Variants in GAB1 observed in about 807,000 individuals in gnomAD.
The protein encoded by GAB1 is GRB2-associated-binding protein 1.
GAB1 carries 19 observed loss-of-function variants against 66.5 expected under a neutral mutation model. That is an observed-to-expected ratio of 0.29 (90% CI 0.20 to 0.42). GAB1 has a LOEUF of 0.42. Ranked by LOEUF, GAB1 falls within the 10% of genes least tolerant of loss-of-function variation. The pLI is 1.00. For missense variants in GAB1, 732 were observed against 858.5 expected (o/e 0.85, Z 1.84); for synonymous variants, 294 against 301.4 (o/e 0.98, Z 0.25).
chr4:143,453,264 G>A (rs1380169827), intron 6 of GAB1, among the ~76,000 whole-genome samples: 2 of 151,832 alleles, frequency 1.3e-5, no homozygotes, highest in Non-Finnish European at 2.9e-5. Context: ...GAAAATACAC[G>A]TAAATTTTAT....
chr4:143,461,594 AC>A (rs746217686), intron 8 of GAB1, among the ~76,000 whole-genome samples: 1 of 152,226 alleles, frequency 6.6e-6, no homozygotes, highest in Admixed American at 6.5e-5. Context: ...CTGTGTGGCC[AC>A]ACTTAGACAC....
At chr4:143,361,712 T>G (rs1729668604) in intron 1 of GAB1, among the ~76,000 whole-genome samples, 1 of 152,112 alleles carries the variant, frequency 6.6e-6, no homozygotes, top group Non-Finnish European at 1.5e-5. Context: ...CCACCACCGC[T>G]GCCTTTGGGA....
chr4:143,394,365 G>A (rs1731335414), intron 1 of GAB1, among the ~76,000 whole-genome samples: 1 of 152,182 alleles, frequency 6.6e-6, no homozygotes, highest in South Asian at 2.1e-4. Context: ...GAAGTCCAGT[G>A]TTGACATCCC....
intron 2 of GAB1, among the ~76,000 whole-genome samples, chr4:143,417,031 A>G (rs1732729613): frequency 6.6e-6 from 1 of 152,232 alleles, no homozygotes; most frequent in South Asian, 2.1e-4. Flanking sequence ...ATTACTTAGC[A>G]CAGGTCCTAC....
chr4:143,442,173 A>G (rs148370165), intron 6 of GAB1, among the ~76,000 whole-genome samples: 7 of 152,378 alleles, frequency 4.6e-5, no homozygotes, highest in African/African-American at 1.2e-4. Flanking sequence ...GGATTGAGAT[A>G]TAAGTGTCAT....
At position 143,459,394 on chromosome 4, in the gene GAB1, C is replaced by T. The variant is rs772511927; in HGVS notation, c.1595C>T (p.Ala532Val). 30 of 1,599,530 alleles carry T rather than the reference C, an allele frequency of 1.9e-5. No individual in the cohort carries two copies. Among genetic ancestry groups the T allele is most frequent in the Non-Finnish European group, 2.4e-5 (28 of 1,167,116 alleles). Residue 532 changes from alanine (A) to valine (V), a missense_variant, in exon 7 of 10, where the codon GCG (alanine) becomes GTG (valine). Physicochemically the swap from Ala to Val is moderately conservative, Grantham distance 64. This residue lies in a region of GAB1 where 204 missense variants were observed against 276.8 expected (regional missense o/e 0.74). Transcript: ENST00000262994. ...NLKPDRKVKPAPLEIKPLPEW... is the reference protein window; with the variant it reads ...NLKPDRKVKPVPLEIKPLPEW... ...CTCTTTTTCTTTTCAGTCAAGCCAG[C>T]GCCTTTAGAAATAAAACCTTTGCCA...
chr4:143,414,982 CT>C (rs1458892126), intron 1 of GAB1, among the ~76,000 whole-genome samples: 2 of 152,186 alleles, frequency 1.3e-5, no homozygotes, highest in Non-Finnish European at 2.9e-5. Context: ...TTTCCCACCC[CT>C]CCCCCTCCGC....
At chr4:143,440,429 G>C (rs1344966538) in intron 6 of GAB1, 47 bp downstream of exon 6, 2 of 1,506,310 alleles carry the variant, frequency 1.3e-6, no homozygotes, top group Admixed American at 2.3e-5. Context: ...TGCCAAGTTA[G>C]ATCTATCTTT....
At chr4:143,448,194 G>T (rs546651763) in intron 6 of GAB1, among the ~76,000 whole-genome samples, 2 of 151,934 alleles carry the variant, frequency 1.3e-5, no homozygotes, top group East Asian at 1.9e-4. Flanking sequence ...CTGTTTGCCA[G>T]TATTTTATTG....
chr4:143,365,051 G>A (rs1342273617), intron 1 of GAB1, among the ~76,000 whole-genome samples: 3 of 151,430 alleles, frequency 2.0e-5, no homozygotes, highest in Non-Finnish European at 2.9e-5. Context: ...CTAATTTTTT[G>A]TATTTTTAGT....
intron 6 of GAB1, among the ~76,000 whole-genome samples, chr4:143,443,496 A>G (rs995210814): frequency 1.3e-5 from 2 of 152,344 alleles, no homozygotes; most frequent in East Asian, 3.9e-4. Flanking sequence ...CTCAAAGCAA[A>G]GTTTATCCAC....
chr4:143,379,665 C>A (rs1314545361), intron 1 of GAB1, among the ~76,000 whole-genome samples: 1 of 152,128 alleles, frequency 6.6e-6, no homozygotes, highest in Non-Finnish European at 1.5e-5. Context: ...CCACTCACTG[C>A]AGCCTCGACC....
At chr4:143,384,626 G>A (rs1223045982) in intron 1 of GAB1, among the ~76,000 whole-genome samples, 1 of 152,238 alleles carries the variant, frequency 6.6e-6, no homozygotes, top group East Asian at 1.9e-4. Flanking sequence ...GCACATGTTA[G>A]GGTGATTGCT....
In GAB1 at chr4:143,469,038, G is replaced by A. The variant is rs750465976; in HGVS notation, c.1934G>A (p.Ser645Asn). The change falls in exon 10 of 10, where the codon AGC (serine) becomes AAC (asparagine). Residue 645 changes from serine to asparagine, a missense_variant. Ser to Asn is a conservative substitution (Grantham distance 46, BLOSUM62 1). This residue lies in a region of GAB1 where 204 missense variants were observed against 276.8 expected (regional missense o/e 0.74). Transcript: ENST00000262994. ...GKSTPPRKQKSSGSGSSVADE... is the reference protein window; with the variant it reads ...GKSTPPRKQKNSGSGSSVADE... The stretch of plus-strand genomic sequence containing the variant: ...TTTTTCTTTGTGTTTTAGCAAAAGA[G>A]CAGTGGCTCAGGCAGCAGTGTAGCA... 4 of 1,613,690 alleles carry A rather than the reference G, an allele frequency of 2.5e-6. No individual in the cohort carries two copies. The highest frequency in any genetic ancestry group is 2.2e-5 in the South Asian group (2 of 91,048).
At chr4:143,433,821 A>G (rs927338910) in intron 3 of GAB1, 105 bp downstream of exon 3, 1 of 884,738 alleles carries the variant, frequency 1.1e-6, no homozygotes, top group South Asian at 1.6e-5. Context: ...TGCAGGCTTG[A>G]AAGAGACCAT....
chr4:143,350,756 T>C (rs1729173236), intron 1 of GAB1, among the ~76,000 whole-genome samples: 1 of 151,764 alleles, frequency 6.6e-6, no homozygotes, highest in African/African-American at 2.4e-5. Flanking sequence ...TAGATTTATA[T>C]AAAATATATT....
Position 143,439,829 on chromosome 4 carries a change from T to G in GAB1, c.1223T>G (p.Ile408Ser). ...KDASSQDCYDIPRAFPSDRSS... is the reference protein window; with the variant it reads ...KDASSQDCYDSPRAFPSDRSS... ...GCTAGTTCTCAAGACTGCTATGATA[T>G]TCCACGAGCATTTCCAAGTGATAGA... Residue 408 changes from isoleucine to serine, a missense_variant, in exon 5 of 10, where the codon ATT becomes AGT. Physicochemically the swap from Ile to Ser is moderately radical, Grantham distance 142. Coordinates refer to ENST00000262994, the MANE Select transcript of GAB1 (RefSeq NM_002039.4). 6.2e-7 allele frequency: 1 copy of G among 1,613,350 alleles called. No homozygotes were observed. The highest frequency in any genetic ancestry group is 1.3e-5 in the African/African-American group (1 of 75,036).
intron 1 of GAB1, among the ~76,000 whole-genome samples, chr4:143,369,482 A>G (rs929012750): frequency 3.3e-5 from 5 of 152,238 alleles, no homozygotes; most frequent in Non-Finnish European, 7.3e-5. Flanking sequence ...TTATAAGAAA[A>G]AATCAATGCA....
intron 3 of GAB1, chr4:143,433,981 T>C (rs1578708913): frequency 1.5e-6 from 1 of 672,656 alleles, no homozygotes; most frequent in East Asian, 3.6e-5. Context: ...GAAATCTGTC[T>C]CCTATTTTGT....
Sources: gnomAD v4.1 joint callset for allele counts (sites outside exome capture counted in the v4.1 genomes callset) on GRCh38, gnomAD v4.1.1 for gene constraint, gnomAD v4.1.1 regional missense constraint, MANE v1.5 for transcripts, NCBI Gene and HGNC (gene_info 2026-07-23, HGNC 2026-07-21) for gene names.